The following YJEFN3 variants were observed in gnomAD, a reference collection of about 807,000 sequenced individuals.
The protein encoded by YJEFN3 is yjeF N-terminal domain-containing protein 3.
In YJEFN3, 29 loss-of-function variants were observed where a neutral mutation model predicts 31.5. The ratio of observed to expected loss-of-function variants is 0.92; its 90% confidence interval spans 0.69 to 1.26. The LOEUF is 1.26. Ranked by LOEUF, YJEFN3 falls within the 50% of genes most tolerant of loss-of-function variation. YJEFN3 has a pLI of 0.00. For missense variants in YJEFN3, 442 were observed against 425.4 expected, an observed-to-expected ratio of 1.04 and a Z score of -0.34; for synonymous variants, 227 against 196.1, an observed-to-expected ratio of 1.16 and a Z score of -1.32.
At chr19:19,529,030 C>T (rs1179900637) in intron 1 of YJEFN3, 39 bp downstream of exon 1, 1 of 1,548,688 alleles carries the variant, frequency 6.5e-7, no homozygotes, top group East Asian at 2.4e-5. Context: ...GGGCATGGTT[C>T]CCATGGGGCC....
rs1328232987 is a variant in YJEFN3, at chr19:19,535,056, C to G, written c.341C>G (p.Ser114Cys). The G allele has an allele frequency of 6.2e-7, 1 of 1,608,088 alleles. No homozygotes were observed. The highest frequency in any genetic ancestry group is 1.7e-5 in the Admixed American group (1 of 59,056). Reference protein sequence around the residue: ...VTKAFPLPALSRKQRTVLVVC... With the variant: ...VTKAFPLPALCRKQRTVLVVC... The stretch of plus-strand genomic sequence containing the variant: ...CAGGCGTTCCCGTTGCCCGCTCTCT[C>G]CCGGAAGCAGAGGACGGTGCTGGTC... The change falls in exon 4 of 7, where the codon TCC becomes TGC. Residue 114 changes from serine to cysteine, a missense_variant. Physicochemically the swap from Ser to Cys is moderately radical, Grantham distance 112 (BLOSUM62 -1). Transcript: ENST00000514277.
chr19:19,533,018 G>A (rs942110918), intron 3 of YJEFN3: 23 of 1,210,718 alleles, frequency 1.9e-5, no homozygotes, highest in South Asian at 9.1e-5. Context: ...CATGTGACCC[G>A]CCTGCTTCTG....
intron 3 of YJEFN3, 40 bp downstream of exon 3, chr19:19,532,780 C>T (rs749706986): frequency 3.4e-5 from 50 of 1,457,320 alleles, no homozygotes; most frequent in East Asian, 5.0e-5. Context: ...CCCAACCAGA[C>T]GGCCAACTCT....
Position 19,528,947 on chromosome 19 carries a change from C to G in YJEFN3, c.15C>G (p.Ala5=). 1.3e-6 allele frequency: 2 copies of G among 1,549,176 alleles called. No individual in the cohort carries two copies. The highest frequency in any genetic ancestry group is 1.7e-6 in the Non-Finnish European group (2 of 1,146,382). Residue 5 remains alanine, a synonymous_variant, in exon 1 of 7, where the codon GCC becomes GCG. Coordinates refer to ENST00000514277, the MANE Select transcript of YJEFN3 (RefSeq NM_198537.4). ...TCACCTCGGCCATGAGCAGCGCAGC[C>G]GGCCCAGACCCGTCGGAGGCGCCCG... MSSA[A]GPDPSEAPEE...
chr19:19,535,607 G>A lies in YJEFN3; in HGVS notation c.622G>A (p.Gly208Ser). Residue 208 changes from glycine (G) to serine (S), a missense_variant, in exon 6 of 7, where the codon GGC (glycine) becomes AGC (serine). Gly to Ser is a moderately conservative substitution (Grantham distance 56). Coordinates refer to ENST00000514277, the MANE Select transcript of YJEFN3 (RefSeq NM_198537.4). Reference protein sequence around the residue: ...GPGVEPGEVGGPCTRALATLK... With the variant: ...GPGVEPGEVGSPCTRALATLK... ...CGGCGTGGAGCCGGGCGAGGTCGGG[G>A]GCCCCTGCACCCGCGCGCTGGCCAC... 6.3e-7 allele frequency: 1 copy of A among 1,586,134 alleles called. No individual in the cohort carries two copies. Among genetic ancestry groups the A allele is most frequent in the Non-Finnish European group, 8.6e-7 (1 of 1,165,960 alleles).
intron 2 of YJEFN3, among the ~76,000 whole-genome samples, chr19:19,531,744 T>G (rs1216650534): frequency 3.8e-5 from 4 of 106,104 alleles, no homozygotes; most frequent in Non-Finnish European, 7.6e-5. Context: ...TTTTTTTTTT[T>G]TTTTGGAGAC....
intron 6 of YJEFN3, among the ~76,000 whole-genome samples, chr19:19,536,259 T>C (rs1600370972): frequency 6.6e-6 from 1 of 152,026 alleles, no homozygotes; most frequent in Non-Finnish European, 1.5e-5. Flanking sequence ...AGTCTGAGGG[T>C]GGTGGCTAGG....
At chr19:19,533,066 C>A in intron 3 of YJEFN3, 1 of 1,134,288 alleles carries the variant, frequency 8.8e-7, no homozygotes, top group Non-Finnish European at 1.1e-6. Context: ...ACATCTGCTC[C>A]TGCGATCTGA....
intron 6 of YJEFN3, 87 bp from the exon 7 acceptor site, chr19:19,537,232 A>T: frequency 8.1e-7 from 1 of 1,232,060 alleles, no homozygotes; most frequent in Non-Finnish European, 1.1e-6. Flanking sequence ...TGGAGGGGAG[A>T]GGAGAGGAGG....
At chr19:19,531,732 T>G (rs1033068977) in intron 2 of YJEFN3, among the ~76,000 whole-genome samples, 3 of 132,532 alleles carry the variant, frequency 2.3e-5, no homozygotes, top group Non-Finnish European at 4.8e-5. Flanking sequence ...TTTTTTTTTT[T>G]TTTTTTTTTT....
chr19:19,535,496 C>T, intron 5 of YJEFN3, 33 bp from the exon 6 acceptor site: 1 of 1,611,928 alleles, frequency 6.2e-7, no homozygotes, highest in South Asian at 1.1e-5. Flanking sequence ...TGCAGTGGCC[C>T]TGGGCCACCC....
Position 19,537,361 on chromosome 19 carries a change from GGCC to G in YJEFN3, c.738_740del (p.Pro247del), listed in dbSNP as rs767935903. The G allele has an allele frequency of 6.3e-7, 1 of 1,595,900 alleles. No homozygotes were observed. Among genetic ancestry groups the G allele is most frequent in the African/African-American group, 1.3e-5 (1 of 74,824 alleles). On this transcript the variant is annotated inframe_deletion, in exon 7 of 7. Coordinates refer to ENST00000514277, the MANE Select transcript of YJEFN3 (RefSeq NM_198537.4). Reference sequence around the variant, plus strand: ...GGCAGCGATTCGGAGGACGGGCTGCGGCCTGACGTGCTGGTGTCTCTCGCGGCG... The same window carrying G: ...GGCAGCGATTCGGAGGACGGGCTGCGTGACGTGCTGGTGTCTCTCGCGGCG...
At chr19:19,533,394 G>A (rs981033967) in intron 3 of YJEFN3, 3 of 986,184 alleles carry the variant, frequency 3.0e-6, no homozygotes, top group African/African-American at 3.5e-5. Flanking sequence ...AGGCTCTAGC[G>A]TGACTGCCTC....
chr19:19,535,085 T>C lies in YJEFN3; in HGVS notation c.370T>C (p.Cys124Arg). ...GAAGCAGAGGACGGTGCTGGTCGTG[T>C]GTGGCCCGGAGCAGAACGGGGCAGT... ...SRKQRTVLVV[C>R]GPEQNGAVGL... Residue 124 changes from cysteine (C) to arginine (R), a missense_variant, in exon 4 of 7, where the codon TGT becomes CGT. Physicochemically the swap from Cys to Arg is radical, Grantham distance 180. Coordinates refer to ENST00000514277, the MANE Select transcript of YJEFN3 (RefSeq NM_198537.4). 6.2e-7 allele frequency: 1 copy of C among 1,612,134 alleles called. No homozygotes were observed. Among genetic ancestry groups the C allele is most frequent in the Non-Finnish European group, 8.5e-7 (1 of 1,179,118 alleles).
chr19:19,535,598 G>C lies in YJEFN3; in HGVS notation c.613G>C (p.Glu205Gln). 2 of 1,582,534 alleles carry C rather than the reference G, an allele frequency of 1.3e-6. No homozygotes were observed. The highest frequency in any genetic ancestry group is 1.7e-6 in the Non-Finnish European group (2 of 1,164,036). The change falls in exon 6 of 7, where the codon GAG becomes CAG. Residue 205 changes from glutamate to glutamine, a missense_variant. By Grantham distance (29) the Glu-to-Gln change is conservative. Transcript: ENST00000514277. ...AVLGPGVEPG[E>Q]VGGPCTRALA... ...ACTGGGCCCCGGCGTGGAGCCGGGC[G>C]AGGTCGGGGGCCCCTGCACCCGCGC...
rs1185147838 is a variant in YJEFN3, at chr19:19,533,223, A to G, written c.318+483A>G. The G allele has an allele frequency of 1.3e-5, 13 of 990,652 alleles. No homozygotes were observed. In the Admixed American group the frequency reaches 2.4e-4, roughly 19 times the overall value. 61.4% of individuals were successfully genotyped at this position (990,652 alleles called of 1,614,324 possible). ...GTAAACCCCCACACCTCGAGGGGCC[A>G]GGAGGATGACACAAGGGTGATAGCA... On this transcript the variant is annotated intron_variant, in intron 3 of 6. Transcript: ENST00000514277.
chr19:19,532,544 G>A (rs2061167987), intron 2 of YJEFN3, 88 bp from the exon 3 acceptor site: 2 of 918,744 alleles, frequency 2.2e-6, no homozygotes, highest in East Asian at 3.1e-5. Context: ...ATTGGGACCG[G>A]GTTCAGAAGC....
At chr19:19,532,400 C>T (rs2061165585) in intron 2 of YJEFN3, among the ~76,000 whole-genome samples, 1 of 152,242 alleles carries the variant, frequency 6.6e-6, no homozygotes, top group South Asian at 2.1e-4. Context: ...AGAGGGCGCC[C>T]GCGCCTCGGG....
chr19:19,534,997 ACTGTGCCTGTGC>A lies in YJEFN3; in HGVS notation c.319-34_319-23del. ...CCTCTCCAGGCAAGGAGGAATCTGG[ACTGTGCCTGTGC>A]CTTTGCTGTGTCCCCTACCACCAGG... On this transcript the variant is annotated intron_variant, in intron 3 of 6. Transcript: ENST00000514277. The surrounding 1 kb of genome is among the most constrained non-coding windows in gnomAD (Gnocchi z 4.6). 6.6e-7 allele frequency: 1 copy of A among 1,523,142 alleles called. No individual in the cohort carries two copies. Among genetic ancestry groups the A allele is most frequent in the Non-Finnish European group, 8.8e-7 (1 of 1,130,838 alleles). The allele number at this position is 1,523,142 out of a possible 1,614,324, so 94.4% of individuals were successfully genotyped here. A position where few individuals can be genotyped will look rare whatever the true frequency, so the allele number is the denominator to read the frequency against.
Sources: gnomAD v4.1 joint callset for allele counts (sites outside exome capture counted in the v4.1 genomes callset) on GRCh38, gnomAD v4.1.1 for gene constraint, Gnocchi (gnomAD v3.1) non-coding constraint, MANE v1.5 for transcripts, NCBI Gene and HGNC (gene_info 2026-07-23, HGNC 2026-07-21) for gene names.